The following EARS2 variants were observed in gnomAD, a reference collection of about 807,000 sequenced individuals.
EARS2 encodes the protein nondiscriminating glutamyl-tRNA synthetase EARS2, mitochondrial.
Under a neutral mutation model 54.1 loss-of-function variants are expected in EARS2, and 50 were observed. That is an observed-to-expected ratio of 0.92 (90% CI 0.74 to 1.17). The LOEUF (loss-of-function observed/expected upper bound fraction) is 1.17, where lower values mean the gene tolerates loss of function less well. Ranked by LOEUF, EARS2 falls within the 50% of genes most tolerant of loss-of-function variation. EARS2 has a pLI of 0.00. For missense variants in EARS2, 673 were observed against 675.0 expected, an observed-to-expected ratio of 1.00 and a Z score of 0.03; for synonymous variants, 298 against 281.0, an observed-to-expected ratio of 1.06 and a Z score of -0.61.
chr16:23,549,191 C>T (rs756745508), intron 2 of EARS2, among the ~76,000 whole-genome samples: 51 of 152,206 alleles, frequency 3.4e-4, no homozygotes, highest in Non-Finnish European at 6.3e-4. Flanking sequence ...TGAGACAGTG[C>T]TGGGGACTCA....
chr16:23,528,299 A>G (rs1253675730), intron 7 of EARS2, among the ~76,000 whole-genome samples: 4 of 152,228 alleles, frequency 2.6e-5, no homozygotes, highest in Non-Finnish European at 5.9e-5. Context: ...AATACTGAAG[A>G]CAAAAAATAT....
At chr16:23,535,452 G>A in intron 3 of EARS2, 92 bp from the exon 4 acceptor site, 1 of 1,188,646 alleles carries the variant, frequency 8.4e-7, no homozygotes, top group Non-Finnish European at 1.2e-6. Context: ...CCTTAAGCAA[G>A]TCAGTTACTG....
At chr16:23,549,607 G>A (rs1965660500) in intron 2 of EARS2, among the ~76,000 whole-genome samples, 2 of 152,140 alleles carry the variant, frequency 1.3e-5, no homozygotes, top group African/African-American at 4.8e-5. Flanking sequence ...GGGACTATAA[G>A]AGTGCACCAC....
chr16:23,546,428 T>TTC (rs1483826013), intron 2 of EARS2: 1 of 455,752 alleles, frequency 2.2e-6, no homozygotes, highest in Admixed American at 2.4e-5. Context: ...GGGCTCTGGG[T>TTC]TCTCATCTGT....
At chr16:23,545,839 T>C (rs1217823241) in intron 2 of EARS2, among the ~76,000 whole-genome samples, 1 of 152,082 alleles carries the variant, frequency 6.6e-6, no homozygotes. Flanking sequence ...ATTTTTTTAG[T>C]AGAGAGCGAG....
At chr16:23,526,678 A>G (rs1023806866) in intron 7 of EARS2, among the ~76,000 whole-genome samples, 1 of 152,182 alleles carries the variant, frequency 6.6e-6, no homozygotes, top group African/African-American at 2.4e-5. Flanking sequence ...GACCCCACCC[A>G]GCTCCAGCAA....
At chr16:23,552,074 T>C (rs1286803702) in intron 2 of EARS2, 75 bp downstream of exon 2, 18 of 1,550,034 alleles carry the variant, frequency 1.2e-5, no homozygotes, top group South Asian at 4.7e-5. Flanking sequence ...CAGAACTCCA[T>C]GAGAAGACCC....
At chr16:23,533,599 C>G (rs577667053) in intron 4 of EARS2, among the ~76,000 whole-genome samples, 1 of 152,290 alleles carries the variant, frequency 6.6e-6, no homozygotes. Flanking sequence ...AAAAAAAGGT[C>G]TGAAAACAAT....
At chr16:23,536,491 T>TACAAA (rs1219278182) in intron 3 of EARS2, among the ~76,000 whole-genome samples, 1 of 151,718 alleles carries the variant, frequency 6.6e-6, no homozygotes, top group Non-Finnish European at 1.5e-5. Flanking sequence ...ACTCTGTCTC[T>TACAAA]ACAAAACAAA....
chr16:23,549,793 C>T (rs1174228471), intron 2 of EARS2, among the ~76,000 whole-genome samples: 1 of 152,158 alleles, frequency 6.6e-6, no homozygotes, highest in East Asian at 1.9e-4. Context: ...GGTCATTCTG[C>T]TCACTATGGT....
intron 5 of EARS2, among the ~76,000 whole-genome samples, chr16:23,532,068 C>G (rs928996741): frequency 2.0e-5 from 3 of 152,182 alleles, no homozygotes; most frequent in African/African-American, 7.2e-5. Context: ...CAACCTTGGC[C>G]TCTCAAAGTG....
In EARS2 at chr16:23,523,432, C is replaced by T. The variant is rs1965173016; in HGVS notation, c.*939G>A. 6.6e-6 allele frequency: 1 copy of T among 152,216 alleles called. No homozygotes were observed. Among genetic ancestry groups the T allele is most frequent in the African/African-American group, 2.4e-5 (1 of 41,456 alleles). 9.4% of individuals were successfully genotyped at this position (152,216 alleles called of 1,614,324 possible). On this transcript the variant is annotated 3_prime_UTR_variant, in exon 9 of 9. Transcript: ENST00000449606. Reference sequence around the variant, plus strand: ...GGTCTGGAAGACTGGAAAAACGGAACAGATGACGTTTAGGGAAGGGAGACA... The same window carrying T: ...GGTCTGGAAGACTGGAAAAACGGAATAGATGACGTTTAGGGAAGGGAGACA...
Position 23,551,017 on chromosome 16 carries a change from C to T in EARS2, c.295+1132G>A, listed in dbSNP as rs58964101. On this transcript the variant is annotated intron_variant, in intron 2 of 8. Coordinates refer to ENST00000449606, the MANE Select transcript of EARS2 (RefSeq NM_001083614.2). The stretch of plus-strand genomic sequence containing the variant: ...CTTCCCACAAGATCAACTTCAGAAG[C>T]TGTACGTGTTTTGTGTGGCTTATAC... 7.4e-3 allele frequency among the ~76,000 whole-genome samples: 1,126 copies of T among 152,254 alleles called. 16 individuals are homozygous for T. The highest frequency in any genetic ancestry group is 0.026 in the African/African-American group (1,075 of 41,542).
chr16:23,554,285 G>T (rs1965741785), intron 1 of EARS2, among the ~76,000 whole-genome samples: 2 of 152,078 alleles, frequency 1.3e-5, no homozygotes, highest in Non-Finnish European at 2.9e-5. Flanking sequence ...CTCCCAAAGT[G>T]CTGGGATTAC....
chr16:23,537,071 A>G, intron 3 of EARS2: 1 of 259,514 alleles, frequency 3.9e-6, no homozygotes, highest in Non-Finnish European at 8.6e-6. Context: ...TGTCTGAATC[A>G]AAGGAACTTG....
intron 2 of EARS2, among the ~76,000 whole-genome samples, chr16:23,551,932 T>C (rs996937356): frequency 6.6e-6 from 1 of 151,862 alleles, no homozygotes; most frequent in Non-Finnish European, 1.5e-5. Flanking sequence ...AAACAATAAA[T>C]AAATAAAAAT....
rs531638511 is a variant in EARS2 at position 23,521,265 on chromosome 16, T to C, written c.*3106A>G. 4.6e-5 allele frequency among the ~76,000 whole-genome samples: 7 copies of C among 152,330 alleles called. No homozygotes were observed. In the East Asian group the frequency reaches 1.3e-3, roughly 29 times the overall value. On this transcript the variant is annotated 3_prime_UTR_variant, in exon 9 of 9. Coordinates refer to ENST00000449606, the MANE Select transcript of EARS2 (RefSeq NM_001083614.2). ...CTTGCAAAACTGAAACTCTATACCC[T>C]AAACAGTAACTTCCCATTTCTGCCT... is the stretch of plus-strand genomic sequence containing the variant.
intron 1 of EARS2, among the ~76,000 whole-genome samples, chr16:23,556,513 C>A (rs1249948251): frequency 6.6e-6 from 1 of 152,200 alleles, no homozygotes; most frequent in Admixed American, 6.5e-5. Flanking sequence ...CGCCACCATG[C>A]CCAGATAATT....
intron 7 of EARS2, among the ~76,000 whole-genome samples, chr16:23,525,743 C>T (rs1237631565): frequency 1.3e-5 from 2 of 152,104 alleles, no homozygotes; most frequent in East Asian, 3.9e-4. Context: ...CACCTGTAAT[C>T]CCAGCACTTT....
Sources: allele counts gnomAD v4.1 joint callset (sites outside exome capture counted in the v4.1 genomes callset), GRCh38; gene constraint gnomAD v4.1.1; transcripts MANE v1.5; gene names NCBI Gene and HGNC (gene_info 2026-07-23, HGNC 2026-07-21).